Variants in KLK7 observed in about 807,000 individuals in gnomAD.
KLK7 encodes the protein kallikrein related peptidase 7, also known as kallikrein-7.
A neutral mutation model predicts 21.0 loss-of-function variants in KLK7; 17 were observed. The ratio of observed to expected loss-of-function variants is 0.81; its 90% confidence interval spans 0.55 to 1.21. KLK7 has a LOEUF of 1.21. Ranked by LOEUF, KLK7 falls within the 50% of genes most tolerant of loss-of-function variation. The probability of loss-of-function intolerance (pLI) is 0.00; values close to 1 mark genes in which losing one functional copy is unlikely to be tolerated. For missense variants in KLK7, 330 were observed against 322.8 expected (o/e 1.02, Z -0.17); for synonymous variants, 151 against 134.6 (o/e 1.12, Z -0.85).
At chr19:50,982,034 C>A in intron 2 of KLK7, 120 bp from the exon 3 acceptor site, 1 of 1,140,480 alleles carries the variant, frequency 8.8e-7, no homozygotes. Flanking sequence ...TGGAGAAATA[C>A]AGAGAAAGCA....
chr19:50,977,293 C>T lies in KLK7; in HGVS notation c.*243G>A, dbSNP rs927378972. The T allele has an allele frequency of 3.6e-5, 18 of 499,192 alleles. No homozygotes were observed. Among genetic ancestry groups the T allele is most frequent in the African/African-American group, 2.9e-4 (15 of 52,084 alleles). 30.9% of individuals were successfully genotyped at this position (499,192 alleles called of 1,614,324 possible). On this transcript the variant is annotated 3_prime_UTR_variant, in exon 6 of 6. Coordinates refer to ENST00000595820, the MANE Select transcript of KLK7 (RefSeq NM_005046.4). Reference sequence around the variant, plus strand: ...CTTCCGTAAAGACTGTACGAACGTCCAGTTCCAGTGTTTGAGAGTGCTGGT... The same window carrying T: ...CTTCCGTAAAGACTGTACGAACGTCTAGTTCCAGTGTTTGAGAGTGCTGGT...
rs752711601 is a variant in KLK7, at chr19:50,979,923, C to T, written c.471G>A (p.Val157=). The change falls in exon 5 of 6, where the codon GTG becomes GTA. Residue 157 remains valine, a splice_region_variant and synonymous_variant. Transcript: ENST00000595820. ...SGWGTTTSPD[V]TFPSDLMCVD... ...CGCACATGAGGTCAGAGGGAAAGGT[C>T]ACTGCAGGGAGGAGCAGGGAGAGCT... The T allele has an allele frequency of 1.3e-5, 21 of 1,595,148 alleles. No homozygotes were observed. In the South Asian group the frequency reaches 2.2e-4, roughly 16 times the overall value.
rs956684704 is a variant in KLK7, at chr19:50,977,393, A to T, written c.*143T>A. On this transcript the variant is annotated 3_prime_UTR_variant, in exon 6 of 6. Transcript: ENST00000595820. ...TTGGTTTTAGGTCTTTACCAATTTG[A>T]TTGGTTTATCAACAGGGCATGAGGT... 3.8e-6 allele frequency: 3 copies of T among 789,762 alleles called. No individual in the cohort carries two copies. The highest frequency in any genetic ancestry group is 3.7e-5 in the African/African-American group (2 of 53,722). 48.9% of individuals were successfully genotyped at this position (789,762 alleles called of 1,614,324 possible). A position where few individuals can be genotyped will look rare whatever the true frequency, so the allele number is the denominator to read the frequency against.
At chr19:50,982,170 A>T in intron 2 of KLK7, 157 bp downstream of exon 2, 1 of 1,017,774 alleles carries the variant, frequency 9.8e-7, no homozygotes, top group South Asian at 1.6e-5. Flanking sequence ...AGACCCCCTG[A>T]GTCAGCAGAA....
At chr19:50,981,344 G>A (rs2091084477) in intron 3 of KLK7, among the ~76,000 whole-genome samples, 1 of 143,902 alleles carries the variant, frequency 6.9e-6, no homozygotes, top group Non-Finnish European at 1.5e-5. Flanking sequence ...GATCCAGAGA[G>A]AAAGGCAGAC....
intron 3 of KLK7, 101 bp from the exon 4 acceptor site, chr19:50,980,588 G>T: frequency 7.1e-7 from 1 of 1,417,714 alleles, no homozygotes; most frequent in Non-Finnish European, 9.7e-7. Flanking sequence ...AGAGAGAGGA[G>T]GGGGGACAGA....
Position 50,983,888 on chromosome 19 carries a change from G to A in KLK7, c.-96C>T. 5.4e-6 allele frequency: 7 copies of A among 1,289,142 alleles called. No homozygotes were observed. The highest frequency in any genetic ancestry group is 7.1e-6 in the Non-Finnish European group (7 of 988,714). 79.9% of individuals were successfully genotyped at this position (1,289,142 alleles called of 1,614,324 possible). On this transcript the variant is annotated 5_prime_UTR_variant, in exon 1 of 6. Transcript: ENST00000595820. The stretch of plus-strand genomic sequence containing the variant: ...TGATGTGATCCAAGTTCCGACTTGG[G>A]CTGGCACACAGCTGGGCTCCAAAAT...
In KLK7 at chr19:50,979,811, C is replaced by T. The variant is rs898008329; in HGVS notation, c.583G>A (p.Asp195Asn). 3.8e-6 allele frequency: 6 copies of T among 1,573,440 alleles called. No homozygotes were observed. Among genetic ancestry groups the T allele is most frequent in the Middle Eastern group, 1.7e-4 (1 of 6,032 alleles). Residue 195 changes from aspartate to asparagine, a missense_variant, in exon 5 of 6, where the codon GAC (aspartate) becomes AAC (asparagine). Asp to Asn is a conservative substitution (Grantham distance 23, BLOSUM62 1). Coordinates refer to ENST00000595820, the MANE Select transcript of KLK7 (RefSeq NM_005046.4). ...ACATTGCAGGCGTTTTTCTTGGAGTCGGGGATGCCAGCGCACAGCATGGAA... is the reference window on the plus strand; with the variant it reads ...ACATTGCAGGCGTTTTTCTTGGAGTTGGGGATGCCAGCGCACAGCATGGAA... ...ENSMLCAGIP[D>N]SKKNACNGDS... is the part of the protein sequence containing the mutation.
At chr19:50,979,186 G>A (rs2091058017) in intron 5 of KLK7, among the ~76,000 whole-genome samples, 2 of 152,140 alleles carry the variant, frequency 1.3e-5, no homozygotes, top group African/African-American at 4.8e-5. Context: ...GGTCAGGTGA[G>A]TGAGTCATCA....
chr19:50,982,379 C>A lies in KLK7; in HGVS notation c.21G>T (p.Leu7=). The A allele has an allele frequency of 6.2e-7, 1 of 1,609,118 alleles. No individual in the cohort carries two copies. The highest frequency in any genetic ancestry group is 8.5e-7 in the Non-Finnish European group (1 of 1,177,874). The change falls in exon 2 of 6, where the codon CTG becomes CTT. Residue 7 remains leucine, a synonymous_variant. Coordinates refer to ENST00000595820, the MANE Select transcript of KLK7 (RefSeq NM_005046.4). MARSLL[L]PLQILLLSLA... ...AGGATAGCAGTAAGATCTGCAGGGG[C>A]AGGAGAAGGGATCTTGCCATGGTGC...
intron 1 of KLK7, among the ~76,000 whole-genome samples, chr19:50,982,916 A>G: frequency 1.0e-5 from 1 of 100,160 alleles, no homozygotes; most frequent in African/African-American, 3.5e-5. Flanking sequence ...CCAGGAGTCC[A>G]GGCCCCCAGC....
chr19:50,983,484 A>G (rs2091107673), intron 1 of KLK7, among the ~76,000 whole-genome samples: 2 of 121,708 alleles, frequency 1.6e-5, no homozygotes, highest in African/African-American at 3.3e-5. Context: ...CCTCCCTCAG[A>G]CCCAGGAGTC....
rs964839794 is a variant in KLK7, at chr19:50,977,248, G to A, written c.*288C>T. 6 of 328,976 alleles carry A rather than the reference G, an allele frequency of 1.8e-5. No individual in the cohort carries two copies. Among genetic ancestry groups the A allele is most frequent in the East Asian group, 1.6e-4 (3 of 18,884 alleles). The allele number at this position is 328,976 out of a possible 1,614,324, so 20.4% of individuals were successfully genotyped here. A position where few individuals can be genotyped will look rare whatever the true frequency, so the allele number is the denominator to read the frequency against. On this transcript the variant is annotated 3_prime_UTR_variant, in exon 6 of 6. Transcript: ENST00000595820. ...GTCAAAGGTGGTGAATAAGGGTCTCGGTGTACGTTGACCAAGTGTCTTCCG... is the reference window on the plus strand; with the variant it reads ...GTCAAAGGTGGTGAATAAGGGTCTCAGTGTACGTTGACCAAGTGTCTTCCG...
chr19:50,977,706 G>C lies in KLK7; in HGVS notation c.607-15C>G. On this transcript the variant is annotated splice_polypyrimidine_tract_variant and intron_variant, in intron 5 of 5. Coordinates refer to ENST00000595820, the MANE Select transcript of KLK7 (RefSeq NM_005046.4). ...CCTGAGTCACCCTAGAGGGAATAGA[G>C]CCGGAGATTAACTTTGGCTTCAGAT... The C allele has an allele frequency of 6.2e-7, 1 of 1,607,908 alleles. No individual in the cohort carries two copies. Among genetic ancestry groups the C allele is most frequent in the Non-Finnish European group, 8.5e-7 (1 of 1,176,522 alleles).
chr19:50,983,933 C>T (rs1202854905), upstream of KLK7: 2 of 1,288,650 alleles, frequency 1.6e-6, no homozygotes, highest in East Asian at 5.6e-5. Context: ...TCTGCTGGGC[C>T]GTCCTCTTAT....
chr19:50,982,499 A>C, intron 1 of KLK7, 42 bp from the exon 2 acceptor site: 1 of 1,483,010 alleles, frequency 6.7e-7, no homozygotes, highest in Non-Finnish European at 9.0e-7. Flanking sequence ...CTCCCCACTC[A>C]GACCCAGGGG....
Position 50,977,586 on chromosome 19 carries a change from C to T in KLK7, c.712G>A (p.Val238Met). The T allele has an allele frequency of 6.2e-7, 1 of 1,613,984 alleles. No homozygotes were observed. The highest frequency in any genetic ancestry group is 1.7e-5 in the Admixed American group (1 of 60,016). Reference sequence around the variant, plus strand: ...TTTATCCACTTGGTGAACTTGCACACTTGAGTGTAGACTCCTGGGTCATTG... The same window carrying T: ...TTTATCCACTTGGTGAACTTGCACATTTGAGTGTAGACTCCTGGGTCATTG... ...QPNDPGVYTQVCKFTKWINDT... is the reference protein window; with the variant it reads ...QPNDPGVYTQMCKFTKWINDT... The change falls in exon 6 of 6, where the codon GTG (valine) becomes ATG (methionine). Residue 238 changes from valine to methionine, a missense_variant. Physicochemically the swap from Val to Met is conservative, Grantham distance 21. Coordinates refer to ENST00000595820, the MANE Select transcript of KLK7 (RefSeq NM_005046.4).
intron 1 of KLK7, among the ~76,000 whole-genome samples, chr19:50,983,216 C>T (rs1290755942): frequency 7.6e-5 from 8 of 105,592 alleles, no homozygotes; most frequent in African/African-American, 2.3e-4. Context: ...CAGGCCCCAG[C>T]CCCTCCTCCC....
chr19:50,978,097 G>C (rs2091050218), intron 5 of KLK7, among the ~76,000 whole-genome samples: 2 of 152,206 alleles, frequency 1.3e-5, no homozygotes, highest in Admixed American at 1.3e-4. Context: ...TAATTTACAG[G>C]ACTTGGTGCA....
Sources: allele counts gnomAD v4.1 joint callset (sites outside exome capture counted in the v4.1 genomes callset), GRCh38; gene constraint gnomAD v4.1.1; transcripts MANE v1.5; gene names NCBI Gene and HGNC (gene_info 2026-07-23, HGNC 2026-07-21).